APBA2: variants seen among roughly 807,000 people sequenced by gnomAD.
The protein encoded by APBA2 is amyloid-beta A4 precursor protein-binding family A member 2.
APBA2 carries 30 observed loss-of-function variants against 75.0 expected under a neutral mutation model. The ratio of observed to expected loss-of-function variants is 0.40; its 90% CI spans 0.30 to 0.54. APBA2 has a LOEUF of 0.54. APBA2 is among the 20% of genes least tolerant of loss of function. The pLI is 0.49. For missense variants in APBA2, 801 were observed against 1,016.1 expected, an observed-to-expected ratio of 0.79 and a Z score of 2.88; for synonymous variants, 444 against 409.6, an observed-to-expected ratio of 1.08 and a Z score of -1.01.
At chr15:28,970,803 C>T (rs2037025876) in intron 2 of APBA2, among the ~76,000 whole-genome samples, 1 of 151,764 alleles carries the variant, frequency 6.6e-6, no homozygotes, top group Non-Finnish European at 1.5e-5. Flanking sequence ...AAAAACAAAG[C>T]CCAGGGCTGG....
At chr15:28,900,918 C>T (rs1272982722) in intron 1 of APBA2, among the ~76,000 whole-genome samples, 8 of 152,154 alleles carry the variant, frequency 5.3e-5, no homozygotes, top group African/African-American at 1.9e-4. Context: ...GCATGCGGCC[C>T]ACTGCCCTGC....
intron 2 of APBA2, among the ~76,000 whole-genome samples, chr15:28,929,681 A>T (rs550515843): frequency 1.8e-4 from 28 of 152,196 alleles, no homozygotes; most frequent in Non-Finnish European, 3.5e-4. Context: ...CCTGTCCCCC[A>T]TTCTCAGTAT....
intron 7 of APBA2, 107 bp from the exon 8 acceptor site, chr15:29,094,171 G>A (rs2043727154): frequency 8.1e-7 from 1 of 1,227,270 alleles, no homozygotes; most frequent in East Asian, 2.3e-5. Flanking sequence ...GGCTTTGCTA[G>A]GCACCAGACC....
At chr15:29,060,150 G>A (rs2042070162) in intron 4 of APBA2, among the ~76,000 whole-genome samples, 1 of 152,174 alleles carries the variant, frequency 6.6e-6, no homozygotes, top group Non-Finnish European at 1.5e-5. Flanking sequence ...CAGGACCCTT[G>A]GCTTCTGCAG....
chr15:28,975,330 T>G (rs2037280272), intron 2 of APBA2, among the ~76,000 whole-genome samples: 1 of 152,176 alleles, frequency 6.6e-6, no homozygotes, highest in South Asian at 2.1e-4. Flanking sequence ...AAAGAAACCT[T>G]AAGATTATTC....
chr15:28,949,820 A>G (rs1342594525), intron 2 of APBA2, among the ~76,000 whole-genome samples: 1 of 152,156 alleles, frequency 6.6e-6, no homozygotes, highest in Non-Finnish European at 1.5e-5. Flanking sequence ...AAAGTTATAA[A>G]AAAGTTGCAA....
At chr15:29,096,917 T>C (rs967330836) in intron 8 of APBA2, among the ~76,000 whole-genome samples, 5 of 152,206 alleles carry the variant, frequency 3.3e-5, no homozygotes, top group African/African-American at 1.2e-4. Context: ...TAAAAACCAA[T>C]TAAAGGCTAT....
intron 3 of APBA2, among the ~76,000 whole-genome samples, chr15:29,039,098 G>GGGGT (rs1445107391): frequency 6.8e-4 from 72 of 106,294 alleles, no homozygotes; most frequent in Non-Finnish European, 1.0e-3. Flanking sequence ...TGTATGTCAG[G>GGGGT]GTGTGTGTGT....
At chr15:28,995,608 C>G (rs1460352633) in intron 2 of APBA2, 145 bp from the exon 3 acceptor site, 3 of 152,156 alleles carry the variant, frequency 2.0e-5, no homozygotes, top group African/African-American at 7.2e-5. Context: ...TTCTGATTAT[C>G]TCATTAGAAT....
chr15:29,061,962 T>G (rs1268641060), intron 4 of APBA2, among the ~76,000 whole-genome samples: 1 of 152,056 alleles, frequency 6.6e-6, no homozygotes, highest in Non-Finnish European at 1.5e-5. Flanking sequence ...GATGGGGTGG[T>G]CCTGCACAGA....
At chr15:29,069,636 T>TA (rs1390755982) in intron 4 of APBA2, among the ~76,000 whole-genome samples, 1 of 152,200 alleles carries the variant, frequency 6.6e-6, no homozygotes, top group Non-Finnish European at 1.5e-5. Flanking sequence ...GCTCATCCTG[T>TA]GGAGGGTCTG....
chr15:28,914,880 G>A (rs1449455898), intron 1 of APBA2, among the ~76,000 whole-genome samples: 2 of 151,904 alleles, frequency 1.3e-5, no homozygotes, highest in African/African-American at 4.8e-5. Context: ...CCGGGCTGCC[G>A]GCCTGCCTGT....
chr15:29,114,892 G>A (rs200888234), intron 14 of APBA2, among the ~76,000 whole-genome samples: 1 of 148,740 alleles, frequency 6.7e-6, no homozygotes, highest in Non-Finnish European at 1.5e-5. Flanking sequence ...TGTGGCTGTG[G>A]GTGTGTGTGA....
At chr15:29,072,043 C>T (rs1355070827) in intron 4 of APBA2, among the ~76,000 whole-genome samples, 1 of 152,032 alleles carries the variant, frequency 6.6e-6, no homozygotes, top group Non-Finnish European at 1.5e-5. Context: ...GTGGATGCAG[C>T]CCCTGTTGTG....
At chr15:29,099,297 G>A (rs1188750230) in intron 9 of APBA2, among the ~76,000 whole-genome samples, 3 of 152,208 alleles carry the variant, frequency 2.0e-5, no homozygotes, top group African/African-American at 7.2e-5. Flanking sequence ...AGGACTGACA[G>A]GACTCAGTGA....
chr15:29,101,386 C>T (rs774834628), intron 9 of APBA2, among the ~76,000 whole-genome samples: 3 of 152,102 alleles, frequency 2.0e-5, no homozygotes, highest in Non-Finnish European at 2.9e-5. Context: ...CCTGCCACCA[C>T]GCCCAACTAT....
intron 3 of APBA2, among the ~76,000 whole-genome samples, chr15:29,010,981 A>G (rs979623583): frequency 6.6e-6 from 1 of 152,192 alleles, no homozygotes; most frequent in Admixed American, 6.5e-5. Context: ...GCGAATCTGA[A>G]CATCTATACC....
At position 29,024,838 on chromosome 15, in the gene APBA2, T is replaced by TTGCC. The variant is rs533653893; in HGVS notation, c.-40-29006_-40-29003dup. 2.1e-3 allele frequency among the ~76,000 whole-genome samples: 321 copies of TTGCC among 152,264 alleles called. 1 individual carries two copies. Among genetic ancestry groups the TTGCC allele is most frequent in the South Asian group, 3.7e-3 (18 of 4,816 alleles). On this transcript the variant is annotated intron_variant, in intron 3 of 14. Coordinates refer to ENST00000683413, the MANE Select transcript of APBA2 (RefSeq NM_001353788.2). ...GGGTAGGGGCTGCATGGGGCTCGTGTTGCCCATGGTGAGTCAGAGGAACAC... is the reference window on the plus strand; with the variant it reads ...GGGTAGGGGCTGCATGGGGCTCGTGTTGCCTGCCCATGGTGAGTCAGAGGAACAC...
intron 6 of APBA2, among the ~76,000 whole-genome samples, chr15:29,078,533 C>T (rs993281334): frequency 6.6e-6 from 1 of 151,758 alleles, no homozygotes; most frequent in Non-Finnish European, 1.5e-5. Context: ...ATCACTTGAA[C>T]CCGGGAGGCG....
Sources: allele counts gnomAD v4.1 joint callset (sites outside exome capture counted in the v4.1 genomes callset), GRCh38; gene constraint gnomAD v4.1.1; transcripts MANE v1.5; gene names NCBI Gene and HGNC (gene_info 2026-07-23, HGNC 2026-07-21).